The following SPAG17 variants were observed in gnomAD, a reference collection of about 807,000 sequenced individuals.
SPAG17 encodes sperm associated antigen 17, also known as sperm-associated antigen 17.
In SPAG17, 169 loss-of-function variants were observed where a neutral mutation model predicts 273.6. The observed-to-expected ratio is 0.62, with a 90% CI of 0.55 to 0.70. The LOEUF (loss-of-function observed/expected upper bound fraction) is 0.70, where lower values mean the gene tolerates loss of function less well. Ranked by LOEUF, SPAG17 falls within the 30% of genes least tolerant of loss-of-function variation. The pLI is 0.00. For synonymous variants in SPAG17, 825 were observed against 873.2 expected (o/e 0.94, Z 0.97); for missense variants, 2,557 against 2,627.8 (o/e 0.97, Z 0.59).
At position 118,182,203 on chromosome 1, in the gene SPAG17, A is replaced by G. The variant is rs146004375; in HGVS notation, c.87+2868T>C. On this transcript the variant is annotated intron_variant, in intron 1 of 48. Transcript: ENST00000336338. ...AAATAAGAGTCACAAAAAGACAAAT[A>G]CTACATGATTCCACTTACATGAAGT... Among the ~76,000 whole-genome samples, 455 of 152,356 alleles carry G rather than the reference A, an allele frequency of 3.0e-3. 1 individual carries two copies. Among genetic ancestry groups the G allele is most frequent in the African/African-American group, 0.01 (435 of 41,588 alleles).
Position 118,038,858 on chromosome 1 carries a change from A to G in SPAG17, c.3319+434T>C, listed in dbSNP as rs141771857. ...TATAATGGTAGACACATGCCATTAT[A>G]CATTTGTTCAAACCCTTAGAATGCA... On this transcript the variant is annotated intron_variant, in intron 23 of 48. Coordinates refer to ENST00000336338, the MANE Select transcript of SPAG17 (RefSeq NM_206996.4). Among the ~76,000 whole-genome samples, 166 of 152,302 alleles carry G rather than the reference A, an allele frequency of 1.1e-3. 2 individuals are homozygous for G. The highest frequency in any genetic ancestry group is 3.8e-3 in the African/African-American group (158 of 41,572).
chr1:118,089,810 C>T (rs1655251770), intron 10 of SPAG17, among the ~76,000 whole-genome samples: 1 of 152,118 alleles, frequency 6.6e-6, no homozygotes, highest in Non-Finnish European at 1.5e-5. Context: ...CCACCTAAAT[C>T]TCATCTCAAA....
chr1:118,038,489 A>G (rs1218146535), intron 23 of SPAG17, among the ~76,000 whole-genome samples: 1 of 152,188 alleles, frequency 6.6e-6, no homozygotes, highest in African/African-American at 2.4e-5. Flanking sequence ...TAGCACCTTT[A>G]TTCACAATTG....
chr1:118,036,470 T>C lies in SPAG17; in HGVS notation c.3433+300A>G, dbSNP rs555409648. Among the ~76,000 whole-genome samples, 310 of 152,196 alleles carry C rather than the reference T, an allele frequency of 2.0e-3. 2 individuals carry two copies. Among genetic ancestry groups the C allele is most frequent in the African/African-American group, 7.2e-3 (299 of 41,532 alleles). On this transcript the variant is annotated intron_variant, in intron 24 of 48. Transcript: ENST00000336338. ...ATATACATGTATACATACATGTATATATATAATCACACAAGTAATCTTATA... is the reference window on the plus strand; with the variant it reads ...ATATACATGTATACATACATGTATACATATAATCACACAAGTAATCTTATA...
Position 117,953,899 on chromosome 1 carries a change from G to C in SPAG17, c.*151C>G. On this transcript the variant is annotated 3_prime_UTR_variant, in exon 49 of 49. Coordinates refer to ENST00000336338, the MANE Select transcript of SPAG17 (RefSeq NM_206996.4). Reference sequence around the variant, plus strand: ...TCTATTCGCACGTCTTTATTAAACAGATTGAAGCTATTTCATTTGGCAAAT... The same window carrying C: ...TCTATTCGCACGTCTTTATTAAACACATTGAAGCTATTTCATTTGGCAAAT... The C allele has an allele frequency of 2.2e-6, 2 of 893,556 alleles. No homozygotes were observed. The highest frequency in any genetic ancestry group is 1.7e-5 in the South Asian group (1 of 59,712). The allele number at this position is 893,556 out of a possible 1,614,324, so 55.4% of individuals were successfully genotyped here. A position where few individuals can be genotyped will look rare whatever the true frequency, so the allele number is the denominator to read the frequency against.
chr1:117,992,573 C>G lies in SPAG17; in HGVS notation c.5254G>C (p.Ala1752Pro). Residue 1752 changes from alanine (A) to proline (P), a missense_variant, in exon 36 of 49, where the codon GCC becomes CCC. Transcript: ENST00000336338. ...GGGCTCTTGAGTATGGCACCCGGGG[C>G]ACTCACTAGCTGTTTGGACTCAATG... is the stretch of plus-strand genomic sequence containing the variant. ...LCIESKQLVS[A>P]PGAILKSPSV... The G allele has an allele frequency of 6.2e-7, 1 of 1,613,720 alleles. No individual in the cohort carries two copies. Among genetic ancestry groups the G allele is most frequent in the Non-Finnish European group, 8.5e-7 (1 of 1,179,854 alleles).
chr1:117,960,754 C>CT (rs1304837935), intron 48 of SPAG17: 2 of 152,132 alleles, frequency 1.3e-5, no homozygotes, highest in Non-Finnish European at 2.9e-5. Context: ...AATACTGCAT[C>CT]TTTACATTAT....
In SPAG17 at chr1:118,039,315, TCTC is replaced by T. The variant is rs1437698707; in HGVS notation, c.3293_3295del (p.Gly1098del). 1.2e-6 allele frequency: 2 copies of T among 1,613,144 alleles called. No individual in the cohort carries two copies. On this transcript the variant is annotated inframe_deletion, in exon 23 of 49. Coordinates refer to ENST00000336338, the MANE Select transcript of SPAG17 (RefSeq NM_206996.4). ...ACCCGTTTCAAGACTTTGTTCCTCA[TCTC>T]CTTCTTCTTCCTCTTCTAAATAATA...
At chr1:118,002,155 AG>A (rs1201341379) in intron 32 of SPAG17, among the ~76,000 whole-genome samples, 2 of 152,140 alleles carry the variant, frequency 1.3e-5, no homozygotes, top group African/African-American at 4.8e-5. Context: ...CTTAATCCTG[AG>A]TTCTAATTTG....
At position 118,120,883 on chromosome 1, in the gene SPAG17, G is replaced by T. The variant is rs543324792; in HGVS notation, c.316-5442C>A. Among the ~76,000 whole-genome samples, 10 of 152,236 alleles carry T rather than the reference G, an allele frequency of 6.6e-5. No individual in the cohort carries two copies. In the South Asian group the frequency reaches 2.1e-3, roughly 32 times the overall value. On this transcript the variant is annotated intron_variant, in intron 3 of 48. Transcript: ENST00000336338. ...TTGAATAAAGTTTATTTATACCAGT[G>T]GTTTAGCTATATTTTGAGATTTTTA...
chr1:118,156,985 C>G (rs749359961), intron 1 of SPAG17, among the ~76,000 whole-genome samples: 4 of 152,106 alleles, frequency 2.6e-5, no homozygotes, highest in Non-Finnish European at 4.4e-5. Context: ...GCTTGATTCA[C>G]CCTAATCTTT....
intron 17 of SPAG17, among the ~76,000 whole-genome samples, chr1:118,071,582 A>T (rs1653589625): frequency 6.6e-6 from 1 of 152,172 alleles, no homozygotes. Flanking sequence ...CCTGGAAGGC[A>T]GAGGTTGCAG....
At position 118,086,145 on chromosome 1, in the gene SPAG17, T is replaced by C. The variant is rs1486156791; in HGVS notation, c.1612-73A>G. ...AGTGCCTTATGCATATGGAGAAGGCTAAACATGATACCTTCACCCTCATTA... is the reference window on the plus strand; with the variant it reads ...AGTGCCTTATGCATATGGAGAAGGCCAAACATGATACCTTCACCCTCATTA... On this transcript the variant is annotated intron_variant, in intron 12 of 48. Coordinates refer to ENST00000336338, the MANE Select transcript of SPAG17 (RefSeq NM_206996.4). 5 of 1,303,982 alleles carry C rather than the reference T, an allele frequency of 3.8e-6. No individual in the cohort carries two copies. In the African/African-American group the frequency reaches 7.5e-5, roughly 20 times the overall value. 80.8% of individuals were successfully genotyped at this position (1,303,982 alleles called of 1,614,324 possible).
chr1:118,071,888 A>AC (rs1653630602), intron 17 of SPAG17, among the ~76,000 whole-genome samples: 1 of 152,168 alleles, frequency 6.6e-6, no homozygotes, highest in South Asian at 2.1e-4. Context: ...GACAGAGAAA[A>AC]TGGAGAGGAG....
chr1:118,174,213 A>G (rs910046120), intron 1 of SPAG17, among the ~76,000 whole-genome samples: 8 of 152,212 alleles, frequency 5.3e-5, no homozygotes, highest in African/African-American at 1.9e-4. Context: ...GGAGAATGCA[A>G]TTAAAGAATT....
At chr1:117,980,284 T>A (rs1449735341) in intron 43 of SPAG17, among the ~76,000 whole-genome samples, 1 of 152,086 alleles carries the variant, frequency 6.6e-6, no homozygotes, top group Non-Finnish European at 1.5e-5. Context: ...TAGGCTGGAG[T>A]GCAGTGGCAT....
Position 118,074,550 on chromosome 1 carries a change from A to C in SPAG17, c.2260T>G (p.Ser754Ala). Residue 754 changes from serine to alanine, a missense_variant, in exon 16 of 49, where the codon TCT becomes GCT. Physicochemically the swap from Ser to Ala is moderately conservative, Grantham distance 99. Coordinates refer to ENST00000336338, the MANE Select transcript of SPAG17 (RefSeq NM_206996.4). ...IKDDAVTKAD[S>A]HEKKPKKMMV... ...AAATAATTCCTTACCTTTTCATGAG[A>C]ATCAGCCTTTGTGACTGCATCATCT... The C allele has an allele frequency of 3.1e-6, 5 of 1,613,544 alleles. No individual in the cohort carries two copies. Among genetic ancestry groups the C allele is most frequent in the South Asian group, 1.1e-5 (1 of 91,082 alleles).
At chr1:118,066,650 A>G (rs1653004928) in intron 18 of SPAG17, 95 bp downstream of exon 18, 2 of 997,102 alleles carry the variant, frequency 2.0e-6, no homozygotes, top group Admixed American at 4.5e-5. Context: ...TGAACCCCCT[A>G]GCTTAGGGTA....
At chr1:118,151,143 A>G (rs2102349791) in intron 2 of SPAG17, 86 bp downstream of exon 2, 2 of 1,174,148 alleles carry the variant, frequency 1.7e-6, no homozygotes, top group South Asian at 3.5e-5. Context: ...ACAGCCCAAG[A>G]ATATGATAGT....
Sources: gnomAD v4.1 joint callset for allele counts (sites outside exome capture counted in the v4.1 genomes callset) on GRCh38, gnomAD v4.1.1 for gene constraint, MANE v1.5 for transcripts, NCBI Gene and HGNC (gene_info 2026-07-23, HGNC 2026-07-21) for gene names.